The following PIK3R1 variants were observed in gnomAD, a reference collection of about 807,000 sequenced individuals.
PIK3R1 encodes the protein phosphoinositide-3-kinase regulatory subunit 1.
In PIK3R1, 29 loss-of-function variants were observed where a neutral mutation model predicts 98.0. The observed-to-expected ratio is 0.30, with a 90% CI of 0.22 to 0.40. The LOEUF (loss-of-function observed/expected upper bound fraction) is 0.40. Ranked by LOEUF, PIK3R1 falls within the 10% of genes least tolerant of loss-of-function variation. The pLI, the probability that PIK3R1 is intolerant of heterozygous loss-of-function variation, is 1.00. For synonymous variants in PIK3R1, 282 were observed against 311.8 expected, an observed-to-expected ratio of 0.90 and a Z score of 1.01; for missense variants, 596 against 872.7, an observed-to-expected ratio of 0.68 and a Z score of 3.99.
intron 2 of PIK3R1, among the ~76,000 whole-genome samples, chr5:68,248,140 C>T (rs965892577): frequency 3.9e-5 from 6 of 151,954 alleles, no homozygotes; most frequent in Admixed American, 2.6e-4. Flanking sequence ...CCACTAAGCC[C>T]GGCTAATTTT....
chr5:68,274,409 A>G (rs1220051022), intron 4 of PIK3R1, among the ~76,000 whole-genome samples: 1 of 152,194 alleles, frequency 6.6e-6, no homozygotes, highest in Non-Finnish European at 1.5e-5. Flanking sequence ...CACTTAAGAA[A>G]TGTCTCTTCT....
At chr5:68,279,502 T>C in intron 4 of PIK3R1, 100 bp from the exon 5 acceptor site, 1 of 813,924 alleles carries the variant, frequency 1.2e-6, no homozygotes, top group South Asian at 1.9e-5. Flanking sequence ...CTTATTTTTT[T>C]TTTTTTTTGT....
At chr5:68,290,396 C>T (rs1747322809) in intron 7 of PIK3R1, among the ~76,000 whole-genome samples, 1 of 152,198 alleles carries the variant, frequency 6.6e-6, no homozygotes, top group African/African-American at 2.4e-5. Context: ...GCGTACCATG[C>T]TGCAAGGAGT....
At position 68,300,602 on chromosome 5, in the gene PIK3R1, AAC is replaced by A. The variant is rs1402710651; in HGVS notation, c.*3002_*3003del. On this transcript the variant is annotated 3_prime_UTR_variant, in exon 16 of 16. Coordinates refer to ENST00000521381, the MANE Select transcript of PIK3R1 (RefSeq NM_181523.3). ...AAAGCATGTGTTTGCAACATCTGAT[AAC>A]TTCATGGCCTTTGATAAATGTATAT... 4.3e-6 allele frequency: 1 copy of A among 233,296 alleles called. No homozygotes were observed. Among genetic ancestry groups the A allele is most frequent in the African/African-American group, 2.2e-5 (1 of 45,466 alleles). 14.5% of individuals were successfully genotyped at this position (233,296 alleles called of 1,614,324 possible). A position where few individuals can be genotyped will look rare whatever the true frequency, so the allele number is the denominator to read the frequency against.
At chr5:68,255,392 A>T (rs1434039810) in intron 2 of PIK3R1, among the ~76,000 whole-genome samples, 1 of 152,188 alleles carries the variant, frequency 6.6e-6, no homozygotes. Context: ...TACCATCATT[A>T]TCTGGGTCAG....
intron 7 of PIK3R1, among the ~76,000 whole-genome samples, chr5:68,289,977 G>A (rs190898446): frequency 2.0e-5 from 3 of 152,226 alleles, no homozygotes; most frequent in Admixed American, 1.3e-4. Flanking sequence ...AATGTTGACA[G>A]ACAATTACGT....
At chr5:68,276,761 A>G (rs1043387684) in intron 4 of PIK3R1, among the ~76,000 whole-genome samples, 7 of 152,252 alleles carry the variant, frequency 4.6e-5, no homozygotes, top group African/African-American at 1.7e-4. Context: ...TTTTATTCAT[A>G]TACTATGAAA....
At chr5:68,251,652 CA>C (rs1178584680) in intron 2 of PIK3R1, among the ~76,000 whole-genome samples, 2 of 151,898 alleles carry the variant, frequency 1.3e-5, no homozygotes, top group Admixed American at 6.5e-5. Flanking sequence ...GCCCCAGCTG[CA>C]AAAAAGTAGG....
intron 2 of PIK3R1, 75 bp downstream of exon 2, chr5:68,227,084 A>G: frequency 2.9e-6 from 4 of 1,357,248 alleles, no homozygotes; most frequent in Non-Finnish European, 4.0e-6. Context: ...GTTTGGGTTG[A>G]GTCGTTATGT....
intron 2 of PIK3R1, among the ~76,000 whole-genome samples, chr5:68,244,758 CT>C: frequency 6.6e-6 from 1 of 151,966 alleles, no homozygotes; most frequent in Admixed American, 6.6e-5. Flanking sequence ...GAAAAATGCA[CT>C]TGTTTGAACT....
intron 7 of PIK3R1, chr5:68,291,074 GT>G: frequency 2.6e-6 from 1 of 385,090 alleles, no homozygotes; most frequent in Non-Finnish European, 4.7e-6. Context: ...TTGAACTCCA[GT>G]TTTTCACTGG....
At chr5:68,262,386 T>TATATATA (rs576101819) in intron 2 of PIK3R1, among the ~76,000 whole-genome samples, 1 of 138,550 alleles carries the variant, frequency 7.2e-6, no homozygotes, top group African/African-American at 2.7e-5. Flanking sequence ...TCTATAATTT[T>TATATATA]TATATATATA....
intron 2 of PIK3R1, among the ~76,000 whole-genome samples, chr5:68,236,565 G>A (rs1324629923): frequency 1.3e-5 from 2 of 152,152 alleles, no homozygotes; most frequent in Non-Finnish European, 2.9e-5. Flanking sequence ...CCGTTTTTGA[G>A]ATTTAAAAAC....
chr5:68,217,230 C>A (rs1356613330), intron 1 of PIK3R1, among the ~76,000 whole-genome samples: 1 of 152,128 alleles, frequency 6.6e-6, no homozygotes, highest in Non-Finnish European at 1.5e-5. Context: ...GGGATATTCA[C>A]AGAGCTTATT....
At chr5:68,293,068 T>A (rs1322807620) in intron 8 of PIK3R1, 33 bp from the exon 9 acceptor site, 1 of 1,529,978 alleles carries the variant, frequency 6.5e-7, no homozygotes. Flanking sequence ...CACTAAACCT[T>A]AAGATGAGCA....
At chr5:68,273,806 AC>A in intron 3 of PIK3R1, 132 bp from the exon 4 acceptor site, 1 of 735,636 alleles carries the variant, frequency 1.4e-6, no homozygotes, top group Non-Finnish European at 2.3e-6. Flanking sequence ...GTAGGAGTTG[AC>A]TTCCAAGAAT....
intron 7 of PIK3R1, chr5:68,291,019 A>G: frequency 2.0e-6 from 1 of 506,446 alleles, no homozygotes; most frequent in Non-Finnish European, 3.5e-6. Context: ...CAAGCAGCTC[A>G]GGCTGTGTGT....
chr5:68,279,613 G>A lies in PIK3R1; in HGVS notation c.514G>A (p.Val172Met), dbSNP rs112487959. Residue 172 changes from valine (V) to methionine (M), a missense_variant, in exon 5 of 16, where the codon GTG becomes ATG. Around this residue, in one of 3 missense-constraint regions of PIK3R1, gnomAD observed 352 missense variants for 393.3 expected, o/e 0.90. Coordinates refer to ENST00000521381, the MANE Select transcript of PIK3R1 (RefSeq NM_181523.3). ...RQLLDCDTPS[V>M]DLEMIDVHVL... ...AAATTGTTTCCTAGATACACCCTCCGTGGACTTGGAAATGATCGATGTGCA... is the reference window on the plus strand; with the variant it reads ...AAATTGTTTCCTAGATACACCCTCCATGGACTTGGAAATGATCGATGTGCA... 40 of 1,612,414 alleles carry A rather than the reference G, an allele frequency of 2.5e-5. No individual in the cohort carries two copies. Among genetic ancestry groups the A allele is most frequent in the African/African-American group, 1.2e-4 (9 of 74,644 alleles).
intron 7 of PIK3R1, among the ~76,000 whole-genome samples, chr5:68,286,125 A>G (rs1024314523): frequency 6.6e-6 from 1 of 152,238 alleles, no homozygotes; most frequent in African/African-American, 2.4e-5. Flanking sequence ...TTAAGGATCA[A>G]GAGACATTTT....
Sources: allele counts gnomAD v4.1 joint callset (sites outside exome capture counted in the v4.1 genomes callset), GRCh38; gene constraint gnomAD v4.1.1; regional missense constraint gnomAD v4.1.1; transcripts MANE v1.5; gene names NCBI Gene and HGNC (gene_info 2026-07-23, HGNC 2026-07-21).